The following SPHKAP variants were observed in gnomAD, a reference collection of about 807,000 sequenced individuals.
The protein encoded by SPHKAP is A-kinase anchor protein SPHKAP.
In SPHKAP, 67 loss-of-function variants were observed where a neutral mutation model predicts 137.5. The observed-to-expected ratio is 0.49, with a 90% confidence interval of 0.40 to 0.60. The LOEUF (loss-of-function observed/expected upper bound fraction) is 0.60, where lower values mean the gene tolerates loss of function less well. SPHKAP is among the 20% of genes least tolerant of loss of function. The pLI is 0.00. For synonymous variants in SPHKAP, 813 were observed against 785.3 expected (o/e 1.04, Z -0.59); for missense variants, 2,097 against 2,069.3 (o/e 1.01, Z -0.26).
intron 1 of SPHKAP, among the ~76,000 whole-genome samples, chr2:228,159,635 C>T (rs1700215417): frequency 1.3e-5 from 2 of 152,148 alleles, no homozygotes; most frequent in Admixed American, 6.5e-5. Context: ...CTTACAATTA[C>T]ACATTTTCTA....
rs76396268 is a variant in SPHKAP, at chr2:228,103,858, T to C, written c.246+4974A>G. On this transcript the variant is annotated intron_variant, in intron 3 of 11. Transcript: ENST00000392056. ...AGGTCTGGGTTCAATCCTGGTTTTA[T>C]GTATTTACATTCCACACTGAAGTGT... Among the ~76,000 whole-genome samples, 142 of 152,316 alleles carry C rather than the reference T, an allele frequency of 9.3e-4. 3 individuals carry two copies. In the East Asian group the frequency reaches 0.026, roughly 28 times the overall value.
At chr2:228,141,543 T>A (rs1490765086) in intron 1 of SPHKAP, among the ~76,000 whole-genome samples, 2 of 152,224 alleles carry the variant, frequency 1.3e-5, no homozygotes, top group Non-Finnish European at 2.9e-5. Context: ...GCACTTTTCT[T>A]AGAGCTAGGA....
intron 3 of SPHKAP, among the ~76,000 whole-genome samples, chr2:228,106,871 G>T (rs760460387): frequency 3.9e-5 from 6 of 152,160 alleles, no homozygotes; most frequent in African/African-American, 7.2e-5. Flanking sequence ...AGAGATTAGG[G>T]TTAGTTTTTC....
chr2:228,137,536 A>T (rs1407669911), intron 1 of SPHKAP, among the ~76,000 whole-genome samples: 1 of 152,226 alleles, frequency 6.6e-6, no homozygotes, highest in South Asian at 2.1e-4. Flanking sequence ...AACAGATTCT[A>T]AAAGATAAGA....
chr2:228,084,108 G>GAA, intron 3 of SPHKAP, among the ~76,000 whole-genome samples: 1 of 120,358 alleles, frequency 8.3e-6, no homozygotes, highest in African/African-American at 2.9e-5. Flanking sequence ...AAAAGAAGAA[G>GAA]AAAAAAAAAA....
intron 3 of SPHKAP, among the ~76,000 whole-genome samples, chr2:228,028,284 C>T (rs1158747252): frequency 6.6e-6 from 1 of 152,114 alleles, no homozygotes; most frequent in African/African-American, 2.4e-5. Flanking sequence ...TTTTCTCTAC[C>T]CACTTTTAAT....
intron 3 of SPHKAP, among the ~76,000 whole-genome samples, chr2:228,046,291 CTTTTTTTTTT>C (rs58510792): frequency 1.1e-4 from 9 of 82,530 alleles, no homozygotes; most frequent in African/African-American, 1.9e-4. Flanking sequence ...TGTTGTTATT[CTTTTTTTTTT>C]TTTTTTTTTT....
At chr2:228,104,157 A>T (rs112526310) in intron 3 of SPHKAP, among the ~76,000 whole-genome samples, 4 of 149,236 alleles carry the variant, frequency 2.7e-5, no homozygotes, top group African/African-American at 9.7e-5. Context: ...TATCTGCACT[A>T]GGTAATTTAA....
At chr2:228,116,852 C>T (rs144653973) in intron 2 of SPHKAP, among the ~76,000 whole-genome samples, 184 of 152,260 alleles carry the variant, frequency 1.2e-3, no homozygotes, top group African/African-American at 4.1e-3. Flanking sequence ...CTCAGATTAT[C>T]TCCCTCCATA....
chr2:227,997,773 T>C (rs1469703707), intron 7 of SPHKAP, among the ~76,000 whole-genome samples: 1 of 152,226 alleles, frequency 6.6e-6, no homozygotes, highest in Admixed American at 6.5e-5. Flanking sequence ...CACATTCTAG[T>C]ACATATAGTT....
chr2:228,166,976 A>G (rs914703429), intron 1 of SPHKAP, among the ~76,000 whole-genome samples: 6 of 152,060 alleles, frequency 3.9e-5, no homozygotes, highest in Non-Finnish European at 5.9e-5. Flanking sequence ...AGGGTGCCAT[A>G]CACTTTCACA....
intron 9 of SPHKAP, chr2:227,991,570 A>G (rs1693416786): frequency 1.0e-6 from 1 of 985,446 alleles, no homozygotes; most frequent in South Asian, 4.7e-5. Context: ...TACTTTAGTT[A>G]GGATAGCTGG....
chr2:228,021,992 T>G, intron 5 of SPHKAP, 26 bp from the exon 6 acceptor site: 2 of 1,550,386 alleles, frequency 1.3e-6, no homozygotes, highest in Non-Finnish European at 1.7e-6. Context: ...AAAGAAGGCA[T>G]TTATTCAAAA....
chr2:228,045,848 G>C (rs939972829), intron 3 of SPHKAP, among the ~76,000 whole-genome samples: 1 of 152,038 alleles, frequency 6.6e-6, no homozygotes, highest in Non-Finnish European at 1.5e-5. Flanking sequence ...TCATTTATAC[G>C]TGAAATCTAA....
intron 1 of SPHKAP, among the ~76,000 whole-genome samples, chr2:228,165,325 TC>T (rs1479147708): frequency 6.6e-6 from 1 of 152,172 alleles, no homozygotes; most frequent in Non-Finnish European, 1.5e-5. Context: ...CTATGTGCTG[TC>T]TTTTAGACTT....
intron 1 of SPHKAP, among the ~76,000 whole-genome samples, chr2:228,153,186 G>A (rs1052962225): frequency 2.6e-5 from 4 of 152,114 alleles, no homozygotes; most frequent in African/African-American, 9.7e-5. Flanking sequence ...TTTATCAGCA[G>A]TGTGAAAACG....
intron 11 of SPHKAP, 95 bp from the exon 12 acceptor site, chr2:227,981,955 C>G (rs906966415): frequency 2.1e-6 from 3 of 1,460,328 alleles, no homozygotes; most frequent in African/African-American, 2.9e-5. Flanking sequence ...GCTCTCCAGT[C>G]TCTGTTTAAA....
chr2:227,995,452 T>C (rs1196204375), intron 8 of SPHKAP, 57 bp downstream of exon 8: 1 of 1,601,698 alleles, frequency 6.2e-7, no homozygotes, highest in Non-Finnish European at 8.5e-7. Flanking sequence ...TTAAAATGCA[T>C]TTTTAGAATC....
chr2:227,986,867 A>G (rs748859253), intron 11 of SPHKAP, among the ~76,000 whole-genome samples: 7 of 149,698 alleles, frequency 4.7e-5, no homozygotes, highest in Non-Finnish European at 7.3e-5. Context: ...ATTCAAACAG[A>G]GAAGAGCTGG....
Sources: gnomAD v4.1 joint callset for allele counts (sites outside exome capture counted in the v4.1 genomes callset) on GRCh38, gnomAD v4.1.1 for gene constraint, MANE v1.5 for transcripts, NCBI Gene and HGNC (gene_info 2026-07-23, HGNC 2026-07-21) for gene names.